Variants in OSBPL9 observed in about 807,000 individuals in gnomAD.
The protein encoded by OSBPL9 is oxysterol binding protein like 9.
Under a neutral mutation model 106.6 loss-of-function variants are expected in OSBPL9, and 40 were observed. The observed-to-expected ratio is 0.38, with a 90% CI of 0.29 to 0.49. The LOEUF is 0.49. Ranked by LOEUF, OSBPL9 falls within the 20% of genes least tolerant of loss-of-function variation. The probability of loss-of-function intolerance (pLI) is 0.97; values close to 1 mark genes in which losing one functional copy is unlikely to be tolerated. For missense variants in OSBPL9, 609 were observed against 887.2 expected, an observed-to-expected ratio of 0.69 and a Z score of 3.98; for synonymous variants, 269 against 295.4, an observed-to-expected ratio of 0.91 and a Z score of 0.92.
At chr1:51,608,459 AT>A (rs112205799) in intron 2 of OSBPL9, among the ~76,000 whole-genome samples, 1,476 of 144,516 alleles carry the variant, frequency 0.01, 12 homozygotes, top group African/African-American at 0.03. Flanking sequence ...TGCCCAGCTA[AT>A]TTTTTTTTTT....
chr1:51,735,594 G>A (rs1665492608), intron 4 of OSBPL9, among the ~76,000 whole-genome samples: 1 of 152,194 alleles, frequency 6.6e-6, no homozygotes, highest in Non-Finnish European at 1.5e-5. Flanking sequence ...TTTGTAGACA[G>A]ATATATATTC....
rs553870856 is a variant in OSBPL9, at chr1:51,774,833, A to G, written c.1171-2000A>G. ...ACAAACATTGAAGAAAATCTGTTAA[A>G]TAAGAGTTCTCAGAAAAATCCTAAG... On this transcript the variant is annotated intron_variant, in intron 14 of 23. Transcript: ENST00000428468. 4.6e-4 allele frequency among the ~76,000 whole-genome samples: 70 copies of G among 152,346 alleles called. 1 individual carries two copies. Among genetic ancestry groups the G allele is most frequent in the Non-Finnish European group, 8.8e-4 (60 of 68,030 alleles).
At chr1:51,755,506 T>G (rs778393186) in intron 8 of OSBPL9, among the ~76,000 whole-genome samples, 22 of 152,316 alleles carry the variant, frequency 1.4e-4, no homozygotes, top group Middle Eastern at 6.8e-3. Flanking sequence ...ATTTTGAGTT[T>G]TGGTTTTTTC....
intron 1 of OSBPL9, among the ~76,000 whole-genome samples, chr1:51,595,575 G>T (rs141506315): frequency 8.9e-4 from 135 of 152,266 alleles, no homozygotes; most frequent in African/African-American, 3.1e-3. Flanking sequence ...AGGAGGAGGA[G>T]CAGAGAGAAG....
chr1:51,676,690 C>T (rs1651316072), intron 3 of OSBPL9, among the ~76,000 whole-genome samples: 1 of 149,066 alleles, frequency 6.7e-6, no homozygotes. Flanking sequence ...TTGACAATGA[C>T]TGCAAAAATG....
At chr1:51,536,376 A>G in the OSBPL9 span, among the ~76,000 whole-genome samples, 1 of 152,110 alleles carries the variant, frequency 6.6e-6, no homozygotes, top group African/African-American at 2.4e-5. Context: ...GTTCAATTAC[A>G]GCTCACTTAC....
At chr1:51,718,582 G>A (rs1031021528) in intron 4 of OSBPL9, among the ~76,000 whole-genome samples, 2 of 151,894 alleles carry the variant, frequency 1.3e-5, no homozygotes, top group African/African-American at 4.8e-5. Context: ...CATTCCCCAG[G>A]GCCCCCGTTG....
chr1:51,541,875 C>T, the OSBPL9 span, among the ~76,000 whole-genome samples: 3 of 151,608 alleles, frequency 2.0e-5, no homozygotes, highest in South Asian at 6.2e-4. Flanking sequence ...AAAGCACTCA[C>T]ATTTACCCAG....
chr1:51,584,103 G>A (rs1285770606), intron 1 of OSBPL9, among the ~76,000 whole-genome samples: 1 of 151,924 alleles, frequency 6.6e-6, no homozygotes, highest in Non-Finnish European at 1.5e-5. Context: ...TGATCCTCCC[G>A]CCTTAGCCCC....
intron 2 of OSBPL9, among the ~76,000 whole-genome samples, chr1:51,660,623 A>T (rs1327915879): frequency 6.6e-6 from 1 of 152,240 alleles, no homozygotes; most frequent in African/African-American, 2.4e-5. Context: ...TCTTACTGGC[A>T]TCTAGGCCAG....
chr1:51,769,440 G>A (rs1673346537), intron 12 of OSBPL9, among the ~76,000 whole-genome samples: 1 of 152,184 alleles, frequency 6.6e-6, no homozygotes, highest in South Asian at 2.1e-4. Flanking sequence ...CTCACCAGCT[G>A]TATGACTTCA....
At chr1:51,771,636 T>G (rs955416301) in intron 12 of OSBPL9, among the ~76,000 whole-genome samples, 6 of 152,198 alleles carry the variant, frequency 3.9e-5, no homozygotes, top group Non-Finnish European at 7.3e-5. Context: ...TAAGATGTTT[T>G]TTTATTTTAT....
chr1:51,685,029 G>A (rs1653464114), intron 3 of OSBPL9, among the ~76,000 whole-genome samples: 1 of 151,400 alleles, frequency 6.6e-6, no homozygotes, highest in African/African-American at 2.4e-5. Context: ...TCCTACTTCA[G>A]CCCTACAGCC....
intron 4 of OSBPL9, among the ~76,000 whole-genome samples, chr1:51,734,261 C>T (rs1263051169): frequency 6.6e-6 from 1 of 152,148 alleles, no homozygotes; most frequent in Non-Finnish European, 1.5e-5. Context: ...CTGAACAACT[C>T]GTTTTTCCCA....
rs571935984 is a variant in OSBPL9 at position 51,705,657 on chromosome 1, C to G, written c.242-8346C>G. 1.0e-3 allele frequency among the ~76,000 whole-genome samples: 153 copies of G among 151,788 alleles called. 1 individual carries two copies. Among genetic ancestry groups the G allele is most frequent in the African/African-American group, 3.4e-3 (140 of 41,418 alleles). ...CTGGAACTCCCGACCTCAGGTGATC[C>G]GCTGGCCTCAGCCTCCCAAAGTGCT... On this transcript the variant is annotated intron_variant, in intron 3 of 23. Transcript: ENST00000428468.
chr1:51,622,598 C>T (rs755298416), intron 1 of OSBPL9, among the ~76,000 whole-genome samples: 8 of 152,180 alleles, frequency 5.3e-5, no homozygotes, highest in Admixed American at 2.6e-4. Context: ...TCAGCTTCCA[C>T]GATGACTCAC....
At chr1:51,561,193 C>T in the OSBPL9 span, among the ~76,000 whole-genome samples, 1 of 152,196 alleles carries the variant, frequency 6.6e-6, no homozygotes, top group Non-Finnish European at 1.5e-5. Context: ...GCTGAAATTG[C>T]ATCACTGCAC....
chr1:51,591,542 C>A (rs1188468277), intron 1 of OSBPL9, among the ~76,000 whole-genome samples: 1 of 152,216 alleles, frequency 6.6e-6, no homozygotes, highest in African/African-American at 2.4e-5. Context: ...CACAGTGGCT[C>A]ACGCCTGTAA....
chr1:51,602,516 G>A (rs1279563130), intron 2 of OSBPL9, among the ~76,000 whole-genome samples: 2 of 144,422 alleles, frequency 1.4e-5, no homozygotes, highest in Non-Finnish European at 3.0e-5. Flanking sequence ...CTGACCTCCT[G>A]GGCTCAAGGG....
Sources: allele counts gnomAD v4.1 joint callset (sites outside exome capture counted in the v4.1 genomes callset), GRCh38; gene constraint gnomAD v4.1.1; transcripts MANE v1.5; gene names NCBI Gene and HGNC (gene_info 2026-07-23, HGNC 2026-07-21).